Variants in RNLS observed in about 807,000 individuals in gnomAD.
RNLS encodes renalase.
In RNLS, 39 loss-of-function variants were observed where a neutral mutation model predicts 39.8. The ratio of observed to expected loss-of-function variants is 0.98; its 90% CI spans 0.76 to 1.28. RNLS has a LOEUF of 1.28. Among genes scored for constraint, RNLS ranks in the 50% most tolerant of loss-of-function variants. RNLS has a pLI of 0.00. For synonymous variants in RNLS, 147 were observed against 150.7 expected (o/e 0.98, Z 0.18); for missense variants, 410 against 413.3 (o/e 0.99, Z 0.07).
intron 4 of RNLS, among the ~76,000 whole-genome samples, chr10:88,433,095 T>TCC (rs1382402390): frequency 6.6e-6 from 1 of 152,064 alleles, no homozygotes; most frequent in Non-Finnish European, 1.5e-5. Flanking sequence ...GAAAATTATT[T>TCC]TTGGTAAAAT....
At chr10:88,268,396 G>T in the RNLS span, among the ~76,000 whole-genome samples, 1 of 152,120 alleles carries the variant, frequency 6.6e-6, no homozygotes. Flanking sequence ...TACCATGCCA[G>T]ATTGGTGAAA....
At chr10:88,491,456 C>T (rs571732688) in intron 4 of RNLS, among the ~76,000 whole-genome samples, 1 of 152,140 alleles carries the variant, frequency 6.6e-6, no homozygotes, top group East Asian at 1.9e-4. Flanking sequence ...AGTTATAAAC[C>T]TATAAAAACT....
chr10:88,560,733 G>A (rs1163317830), intron 4 of RNLS, among the ~76,000 whole-genome samples: 1 of 151,930 alleles, frequency 6.6e-6, no homozygotes, highest in East Asian at 1.9e-4. Context: ...CTGCCTATAA[G>A]GAGGGGACTG....
chr10:88,423,028 T>C (rs986608115), intron 4 of RNLS, among the ~76,000 whole-genome samples: 4 of 152,170 alleles, frequency 2.6e-5, no homozygotes, highest in South Asian at 2.1e-4. Context: ...GGATTATAGG[T>C]GTGAGCCACG....
At chr10:88,287,909 A>T (rs1430224278) in intron 6 of RNLS, among the ~76,000 whole-genome samples, 1 of 152,090 alleles carries the variant, frequency 6.6e-6, no homozygotes, top group Non-Finnish European at 1.5e-5. Flanking sequence ...TGAGACTTGG[A>T]TGGGGACACA....
chr10:88,421,095 G>A (rs1238611869), intron 4 of RNLS, among the ~76,000 whole-genome samples: 1 of 152,226 alleles, frequency 6.6e-6, no homozygotes, highest in Non-Finnish European at 1.5e-5. Flanking sequence ...AGAGGCTGCA[G>A]GAACAAGCCT....
Position 88,466,353 on chromosome 10 carries a change from T to C in RNLS, c.527-103628A>G, listed in dbSNP as rs182072025. ...ATCCCAGCATTTTGGGAAGCTGAGG[T>C]GAGAAAACAGTTAGAGCTCAGGAGT... On this transcript the variant is annotated intron_variant, in intron 4 of 6. Transcript: ENST00000331772. 2.1e-3 allele frequency among the ~76,000 whole-genome samples: 318 copies of C among 152,078 alleles called. 1 individual carries two copies. Among genetic ancestry groups the C allele is most frequent in the African/African-American group, 7.4e-3 (306 of 41,500 alleles).
At chr10:88,483,331 A>G (rs186677711) in intron 4 of RNLS, among the ~76,000 whole-genome samples, 1 of 152,304 alleles carries the variant, frequency 6.6e-6, no homozygotes, top group Admixed American at 6.5e-5. Context: ...CACAGCCAGT[A>G]GTCTCTGAGC....
chr10:88,429,618 A>G (rs1589777532), intron 4 of RNLS, among the ~76,000 whole-genome samples: 1 of 134,114 alleles, frequency 7.5e-6, no homozygotes, highest in African/African-American at 3.1e-5. Context: ...TTTATTTTCT[A>G]TGTTTTCTTT....
At chr10:88,268,623 C>T in the RNLS span, among the ~76,000 whole-genome samples, 2 of 152,226 alleles carry the variant, frequency 1.3e-5, no homozygotes, top group Admixed American at 6.5e-5. Flanking sequence ...ATTCAGAGCT[C>T]AAATGATGCC....
At chr10:88,271,772 AC>A (rs1346758233), downstream of RNLS, among the ~76,000 whole-genome samples, 2 of 152,154 alleles carry the variant, frequency 1.3e-5, no homozygotes, top group Non-Finnish European at 2.9e-5. Context: ...CAAATCAAAT[AC>A]CCAGGACTTG....
At chr10:88,333,452 G>A (rs976141539) in intron 5 of RNLS, among the ~76,000 whole-genome samples, 12 of 152,040 alleles carry the variant, frequency 7.9e-5, no homozygotes, top group African/African-American at 1.2e-4. Flanking sequence ...AAATGAGCCC[G>A]CATATTTACT....
the RNLS span, among the ~76,000 whole-genome samples, chr10:88,241,248 C>CA: frequency 0.086 from 11,422 of 133,388 alleles, 512 homozygotes; most frequent in East Asian, 0.15. Context: ...TTTAATTTTT[C>CA]AAAAAAAAAA....
chr10:88,496,224 A>T (rs1285942000), intron 4 of RNLS, among the ~76,000 whole-genome samples: 2 of 152,178 alleles, frequency 1.3e-5, no homozygotes, highest in African/African-American at 4.8e-5. Context: ...GACTGTATGA[A>T]TCCAAGCCAG....
At chr10:88,348,018 A>G (rs915227160) in intron 5 of RNLS, among the ~76,000 whole-genome samples, 1 of 152,108 alleles carries the variant, frequency 6.6e-6, no homozygotes, top group African/African-American at 2.4e-5. Context: ...AGTTTGTTAC[A>G]CACTTATTAC....
At chr10:88,373,791 C>T (rs1280388818) in intron 4 of RNLS, among the ~76,000 whole-genome samples, 1 of 151,960 alleles carries the variant, frequency 6.6e-6, no homozygotes, top group Middle Eastern at 3.2e-3. Context: ...AGGTTTCAAT[C>T]ATTTTCCCTT....
chr10:88,471,637 G>C (rs936300026), intron 4 of RNLS, among the ~76,000 whole-genome samples: 1 of 152,204 alleles, frequency 6.6e-6, no homozygotes, highest in Non-Finnish European at 1.5e-5. Flanking sequence ...CTTCAGAAAA[G>C]CTGTTAAATT....
At chr10:88,245,630 CTTTTTCTTTTCATTTT>C in the RNLS span, among the ~76,000 whole-genome samples, 46 of 152,196 alleles carry the variant, frequency 3.0e-4, no homozygotes, top group East Asian at 6.9e-3. Flanking sequence ...ATTTTCTTTT[CTTTTTCTTTTCATTTT>C]TTTTTCTTTT....
At chr10:88,562,083 G>GT (rs55982790) in intron 4 of RNLS, among the ~76,000 whole-genome samples, 126,269 of 152,132 alleles carry the variant, frequency 0.83, 53,024 homozygotes, top group East Asian at 0.98. Flanking sequence ...ATTGTCAAAC[G>GT]TAAGAGTGAG....
Sources: allele counts gnomAD v4.1 joint callset (sites outside exome capture counted in the v4.1 genomes callset), GRCh38; gene constraint gnomAD v4.1.1; transcripts MANE v1.5; gene names NCBI Gene and HGNC (gene_info 2026-07-23, HGNC 2026-07-21).